PTPRD: variants seen among roughly 807,000 people sequenced by gnomAD.
PTPRD encodes receptor-type tyrosine-protein phosphatase delta.
A neutral mutation model predicts 214.5 loss-of-function variants in PTPRD; 34 were observed. That is an observed-to-expected ratio of 0.16 (90% confidence interval 0.12 to 0.21). The LOEUF is 0.21. PTPRD is among the 10% of genes least tolerant of loss of function. The pLI is 1.00. For missense variants in PTPRD, 2,545 were observed against 2,398.7 expected (o/e 1.06, Z -1.27); for synonymous variants, 1,128 against 845.7 (o/e 1.33, Z -5.79).
At chr9:8,938,995 T>A (rs2099014860) in intron 11 of PTPRD, among the ~76,000 whole-genome samples, 1 of 152,198 alleles carries the variant, frequency 6.6e-6, no homozygotes, top group African/African-American at 2.4e-5. Context: ...GCCCTAAAAT[T>A]ACTGAAGTAT....
intron 11 of PTPRD, among the ~76,000 whole-genome samples, chr9:8,882,941 C>T (rs867126516): frequency 1.3e-4 from 19 of 150,352 alleles, no homozygotes; most frequent in African/African-American, 3.2e-4. Flanking sequence ...AAGTAATAGG[C>T]GCTATTAATG....
chr9:9,009,573 GA>G lies in PTPRD; in HGVS notation c.-104+9123del, dbSNP rs945454142. The stretch of plus-strand genomic sequence containing the variant: ...AAGATAAGAAGCAAGTTGGTATGGA[GA>G]AAAAAAAATTAGAACTGTAAAAATT... On this transcript the variant is annotated intron_variant, in intron 11 of 45. Coordinates refer to ENST00000381196, the MANE Select transcript of PTPRD (RefSeq NM_002839.4). 6.0e-3 allele frequency among the ~76,000 whole-genome samples: 903 copies of G among 150,838 alleles called. 17 individuals are homozygous for G. Among genetic ancestry groups the G allele is most frequent in the African/African-American group, 0.021 (868 of 41,030 alleles).
intron 12 of PTPRD, among the ~76,000 whole-genome samples, chr9:8,732,764 G>C (rs567830695): frequency 2.3e-4 from 35 of 152,216 alleles, no homozygotes; most frequent in Admixed American, 1.5e-3. Context: ...GCAATTGGTG[G>C]CTCGTGAGGG....
intron 2 of PTPRD, among the ~76,000 whole-genome samples, chr9:10,403,227 A>AATAAATATATATATATAT (rs2098301816): frequency 5.0e-5 from 3 of 59,882 alleles, no homozygotes; most frequent in Non-Finnish European, 1.0e-4. Context: ...TGTGTGTGTA[A>AATAAATATATATATATAT]ATATATATAT....
intron 4 of PTPRD, among the ~76,000 whole-genome samples, chr9:9,990,844 T>C (rs1379348124): frequency 2.0e-5 from 3 of 152,180 alleles, no homozygotes; most frequent in Admixed American, 6.5e-5. Flanking sequence ...GTCCACTCTA[T>C]GAGGGTCCTC....
chr9:9,891,526 TAAC>T (rs1286957086), intron 5 of PTPRD, among the ~76,000 whole-genome samples: 1 of 152,104 alleles, frequency 6.6e-6, no homozygotes, highest in Admixed American at 6.6e-5. Context: ...TTTACACTCT[TAAC>T]AACACATATG....
intron 14 of PTPRD, among the ~76,000 whole-genome samples, chr9:8,600,926 G>C (rs12682768): frequency 0.11 from 16,027 of 152,016 alleles, 875 homozygotes; most frequent in East Asian, 0.17. Context: ...TGAGGTACCA[G>C]CTCAGCCATA....
chr9:9,024,287 G>A (rs1463031132), intron 10 of PTPRD, among the ~76,000 whole-genome samples: 2 of 150,328 alleles, frequency 1.3e-5, no homozygotes, highest in Non-Finnish European at 3.0e-5. Context: ...TTAATTTTAT[G>A]GATGAAACAT....
chr9:8,742,408 A>G (rs1320187988), intron 11 of PTPRD, among the ~76,000 whole-genome samples: 1 of 152,194 alleles, frequency 6.6e-6, no homozygotes, highest in Non-Finnish European at 1.5e-5. Context: ...TCAAGAATAC[A>G]TGGATATGAA....
intron 10 of PTPRD, among the ~76,000 whole-genome samples, chr9:9,101,886 G>A (rs143882765): frequency 1.1e-3 from 173 of 151,998 alleles, no homozygotes; most frequent in African/African-American, 3.6e-3. Context: ...ATTTTAATCC[G>A]TATTTTTTAA....
chr9:9,506,993 T>C (rs992436555), intron 8 of PTPRD, among the ~76,000 whole-genome samples: 7 of 151,486 alleles, frequency 4.6e-5, no homozygotes, highest in Non-Finnish European at 7.4e-5. Context: ...TATACAAGTA[T>C]ACTTGTCTTA....
rs541689118 is a variant in PTPRD, at chr9:8,383,557, G to C, written c.4386+5675C>G. ...GCTTTACTAATATATGGCATCATCTGGTTTGTATGATTCCCTATTTGGAAA... is the reference window on the plus strand; with the variant it reads ...GCTTTACTAATATATGGCATCATCTCGTTTGTATGATTCCCTATTTGGAAA... On this transcript the variant is annotated intron_variant, in intron 37 of 45. Coordinates refer to ENST00000381196, the MANE Select transcript of PTPRD (RefSeq NM_002839.4). Among the ~76,000 whole-genome samples, 5 of 152,194 alleles carry C rather than the reference G, an allele frequency of 3.3e-5. 1 individual carries two copies. Among genetic ancestry groups the C allele is most frequent in the East Asian group, 3.9e-4 (2 of 5,176 alleles).
At chr9:9,952,767 G>A (rs1019537445) in intron 4 of PTPRD, among the ~76,000 whole-genome samples, 1 of 152,154 alleles carries the variant, frequency 6.6e-6, no homozygotes, top group African/African-American at 2.4e-5. Context: ...TAGAGTACCT[G>A]TAATACTGTC....
At chr9:9,541,902 A>G (rs2077669052) in intron 8 of PTPRD, among the ~76,000 whole-genome samples, 1 of 151,814 alleles carries the variant, frequency 6.6e-6, no homozygotes, top group African/African-American at 2.4e-5. Context: ...TATCTAAAAG[A>G]AGAAAAGTCT....
rs369935512 is a variant in PTPRD, at chr9:10,241,468, T to C, written c.-545+99495A>G. 9.1e-4 allele frequency among the ~76,000 whole-genome samples: 139 copies of C among 152,054 alleles called. 1 individual carries two copies. In the South Asian group the frequency reaches 0.027, roughly 29 times the overall value. Reference sequence around the variant, plus strand: ...GAGTAGACGGCCTTCAACAAGTCAATGGAAAACCAAATTATAGTATAGCCA... The same window carrying C: ...GAGTAGACGGCCTTCAACAAGTCAACGGAAAACCAAATTATAGTATAGCCA... On this transcript the variant is annotated intron_variant, in intron 3 of 45. Transcript: ENST00000381196.
chr9:8,579,198 G>A (rs1009743346), intron 14 of PTPRD, among the ~76,000 whole-genome samples: 2 of 152,180 alleles, frequency 1.3e-5, no homozygotes, highest in Admixed American at 6.5e-5. Context: ...AAATGTGAAA[G>A]CACTGCTTAA....
At chr9:9,166,244 C>G (rs1383010203) in intron 10 of PTPRD, among the ~76,000 whole-genome samples, 1 of 151,020 alleles carries the variant, frequency 6.6e-6, no homozygotes, top group Non-Finnish European at 1.5e-5. Context: ...TTGAGAGAAA[C>G]AAAAATATAT....
At chr9:9,648,075 T>G (rs1343393519) in intron 7 of PTPRD, among the ~76,000 whole-genome samples, 1 of 152,196 alleles carries the variant, frequency 6.6e-6, no homozygotes, top group Non-Finnish European at 1.5e-5. Context: ...GTTACGACAA[T>G]TGGACTTCTC....
chr9:8,618,085 G>A (rs999980408), intron 14 of PTPRD, among the ~76,000 whole-genome samples: 17 of 152,074 alleles, frequency 1.1e-4, no homozygotes, highest in African/African-American at 3.9e-4. Flanking sequence ...TCTCACTGCT[G>A]CTTTCCGCAG....
Sources: gnomAD v4.1 joint callset for allele counts (sites outside exome capture counted in the v4.1 genomes callset) on GRCh38, gnomAD v4.1.1 for gene constraint, MANE v1.5 for transcripts, NCBI Gene and HGNC (gene_info 2026-07-23, HGNC 2026-07-21) for gene names.